NOTCH1: variants seen among roughly 807,000 people sequenced by gnomAD.
NOTCH1 encodes the protein notch receptor 1.
Under a neutral mutation model 254.8 loss-of-function variants are expected in NOTCH1, and 37 were observed. The ratio of observed to expected loss-of-function variants is 0.15; its 90% confidence interval spans 0.11 to 0.19. NOTCH1 has a LOEUF of 0.19. NOTCH1 is among the 10% of genes least tolerant of loss of function. NOTCH1 has a pLI of 1.00. For synonymous variants in NOTCH1, 1,731 were observed against 1,618.1 expected (o/e 1.07, Z -1.68); for missense variants, 2,972 against 3,708.6 (o/e 0.80, Z 5.16).
intron 31 of NOTCH1, among the ~76,000 whole-genome samples, 165 bp from the exon 32 acceptor site, chr9:136,499,424 T>C (rs1472713944): frequency 6.6e-6 from 1 of 152,182 alleles, no homozygotes; most frequent in African/African-American, 2.4e-5. Flanking sequence ...GGGCTGCCCC[T>C]GAGGAGGGGC....
Position 136,517,936 on chromosome 9 carries a change from A to G in NOTCH1, c.1257T>C (p.Gly419=). 1 of 1,609,472 alleles carries G rather than the reference A, an allele frequency of 6.2e-7. No individual in the cohort carries two copies. The change falls in exon 8 of 34, where the codon GGT becomes GGC. Residue 419 remains glycine (G), a splice_region_variant and synonymous_variant. Transcript: ENST00000651671. ...CSQDVDECSL[G]ANPCEHAGKC... ...TGCCCGCATGCTCGCAGGGGTTGGC[A>G]CCTGGCGAGGGCACACGGGTGAGAG...
chr9:136,517,703 G>A (rs753444085), intron 8 of NOTCH1, 49 bp downstream of exon 8: 3 of 1,608,566 alleles, frequency 1.9e-6, no homozygotes, highest in Non-Finnish European at 2.5e-6. Flanking sequence ...GCCCCTCCAA[G>A]GCTGCCCAGC....
intron 12 of NOTCH1, 112 bp downstream of exon 12, chr9:136,515,178 C>G (rs1843243919): frequency 1.0e-6 from 1 of 967,878 alleles, no homozygotes; most frequent in Middle Eastern, 2.2e-4. Flanking sequence ...ACGGTCTGCC[C>G]AGGTGGGCAG....
In NOTCH1 at chr9:136,513,015, C is replaced by T. The variant is rs1276821346; in HGVS notation, c.2467+6G>A. On this transcript the variant is annotated splice_donor_region_variant and intron_variant, in intron 15 of 33. Transcript: ENST00000651671. The surrounding 1 kb of genome is among the most constrained non-coding windows in gnomAD (Gnocchi z 4.7). ...CCCTCCAGCACAGGCCCCACCCACC[C>T]CTCACCTGTGTAGGGCAGCAGGCAG... The T allele has an allele frequency of 6.4e-7, 1 of 1,568,512 alleles. No individual in the cohort carries two copies.
chr9:136,523,955 C>T lies in NOTCH1; in HGVS notation c.165G>A (p.Pro55=), dbSNP rs373793124. The change falls in exon 3 of 34, where the codon CCG becomes CCA. Residue 55 remains proline (P), a synonymous_variant. Coordinates refer to ENST00000651671, the MANE Select transcript of NOTCH1 (RefSeq NM_017617.5). ...GGCACGGGTTGGGGTCCTGGCATCG[C>T]GGGCCCACGAAGGCCCCGCCACAGC... ...ACVCGGAFVG[P]RCQDPNPCLS... 1.6e-4 allele frequency: 252 copies of T among 1,563,320 alleles called. No individual in the cohort carries two copies. In the East Asian group the frequency reaches 5.3e-3, roughly 33 times the overall value.
chr9:136,512,412 CTTCT>C (rs1843195750), intron 15 of NOTCH1, among the ~76,000 whole-genome samples: 3 of 152,190 alleles, frequency 2.0e-5, no homozygotes, highest in Admixed American at 1.3e-4. Flanking sequence ...CTTGTGGACT[CTTCT>C]TTGTCTTTTC....
rs1889046 is a variant in NOTCH1, at chr9:136,542,210, T to C, written c.140+1814A>G. On this transcript the variant is annotated intron_variant, in intron 2 of 33. Coordinates refer to ENST00000651671, the MANE Select transcript of NOTCH1 (RefSeq NM_017617.5). ...TGTGGGCCAGGCTGTGCCTACTCCC[T>C]GGTGCCACTGAGAAGAAGCAACAGG... is the stretch of plus-strand genomic sequence containing the variant. 4.9e-3 allele frequency among the ~76,000 whole-genome samples: 749 copies of C among 152,266 alleles called. 5 individuals carry two copies. Among genetic ancestry groups the C allele is most frequent in the African/African-American group, 0.017 (725 of 41,532 alleles).
rs1164310314 is a variant in NOTCH1 at position 136,505,092 on chromosome 9, G to C, written c.4599C>G (p.Asp1533Glu). The C allele has an allele frequency of 6.2e-7, 1 of 1,609,694 alleles. No individual in the cohort carries two copies. Among genetic ancestry groups the C allele is most frequent in the Non-Finnish European group, 8.5e-7 (1 of 1,179,666 alleles). Residue 1533 changes from aspartate (D) to glutamate (E), a missense_variant, in exon 26 of 34, where the codon GAC becomes GAG. Asp to Glu is a conservative substitution (Grantham distance 45). Around this residue, in one of 8 missense-constraint regions of NOTCH1, gnomAD observed 1,343 missense variants for 1,557.0 expected, o/e 0.86. Transcript: ENST00000651671. Reference protein sequence around the residue: ...RAEGQCNPLYDQYCKDHFSDG... With the variant: ...RAEGQCNPLYEQYCKDHFSDG... ...CGCTGAAGTGGTCCTTGCAGTACTG[G>C]TCGTACAGGGGGCTGTGGGGGGCGG...
chr9:136,542,331 A>C (rs147485651), intron 2 of NOTCH1, among the ~76,000 whole-genome samples: 2,221 of 152,218 alleles, frequency 0.015, 19 homozygotes, highest in Middle Eastern at 0.027. Context: ...GTGAGAGGCA[A>C]AGTCCGAGCC....
At chr9:136,535,254 G>A (rs938291142) in intron 2 of NOTCH1, among the ~76,000 whole-genome samples, 7 of 151,908 alleles carry the variant, frequency 4.6e-5, no homozygotes, top group African/African-American at 1.5e-4. Context: ...GGCCCCCAGG[G>A]TTCACAAGGC....
intron 2 of NOTCH1, among the ~76,000 whole-genome samples, chr9:136,525,335 C>A (rs899503817): frequency 2.0e-5 from 3 of 152,236 alleles, no homozygotes; most frequent in Non-Finnish European, 2.9e-5. Context: ...CCTGCCCCCC[C>A]CAGCCACCTG....
intron 22 of NOTCH1, 92 bp from the exon 23 acceptor site, chr9:136,507,065 T>C (rs1416950825): frequency 2.6e-6 from 4 of 1,541,840 alleles, no homozygotes; most frequent in Non-Finnish European, 3.5e-6. Context: ...CGCTCAGGTC[T>C]GGGGCTGCAC....
At chr9:136,508,535 C>T (rs1843126634) in intron 19 of NOTCH1, 150 bp from the exon 20 acceptor site, 1 of 1,159,868 alleles carries the variant, frequency 8.6e-7, no homozygotes, top group Non-Finnish European at 1.3e-6. Context: ...CCCCACCACC[C>T]CCACACCAGG....
rs748407409 is a variant in NOTCH1 at position 136,494,953 on chromosome 9, G to A, written c.*1118C>T. On this transcript the variant is annotated 3_prime_UTR_variant, in exon 34 of 34. Transcript: ENST00000651671. ...ACCGCATGCCCCCTGCCAGGGCTGCGGGGACAGGACCAAAGGACGCAGCCC... is the reference window on the plus strand; with the variant it reads ...ACCGCATGCCCCCTGCCAGGGCTGCAGGGACAGGACCAAAGGACGCAGCCC... 6 of 398,812 alleles carry A rather than the reference G, an allele frequency of 1.5e-5. No individual in the cohort carries two copies. The highest frequency in any genetic ancestry group is 1.3e-4 in the South Asian group (1 of 7,862). The allele number at this position is 398,812 out of a possible 1,614,324, so 24.7% of individuals were successfully genotyped here. A position where few individuals can be genotyped will look rare whatever the true frequency, so the allele number is the denominator to read the frequency against.
rs974062371 is a variant in NOTCH1 at position 136,518,046 on chromosome 9, G to A, written c.1255+91C>T. 5 of 1,554,288 alleles carry A rather than the reference G, an allele frequency of 3.2e-6. No individual in the cohort carries two copies. The African/African-American group carries it at 5.4e-5, about 17-fold the overall frequency. The stretch of plus-strand genomic sequence containing the variant: ...GCAGGGTCCCATCCCCCATCTAACT[G>A]GGCACCCCCTGAAGCCAGAATCGAC... On this transcript the variant is annotated intron_variant, in intron 7 of 33. Transcript: ENST00000651671.
At position 136,522,863 on chromosome 9, in the gene NOTCH1, A is replaced by G; in HGVS notation, c.729T>C (p.Cys243=). Reference sequence around the variant, plus strand: ...GGGCAGCACTACCTGGCAGGCAGGCACACTCGTGGGTGACGTCGCCCGTGG... The same window carrying G: ...GGGCAGCACTACCTGGCAGGCAGGCGCACTCGTGGGTGACGTCGCCCGTGG... ...CRPTGDVTHE[C]ACLPGFTGQN... is the part of the protein sequence containing the mutation. The change falls in exon 4 of 34, where the codon TGT becomes TGC. Residue 243 remains cysteine (C), a synonymous_variant. Transcript: ENST00000651671. 6.6e-7 allele frequency: 1 copy of G among 1,503,860 alleles called. No individual in the cohort carries two copies. Among genetic ancestry groups the G allele is most frequent in the Non-Finnish European group, 8.9e-7 (1 of 1,125,462 alleles). The allele number at this position is 1,503,860 out of a possible 1,614,324, so 93.2% of individuals were successfully genotyped here. A position where few individuals can be genotyped will look rare whatever the true frequency, so the allele number is the denominator to read the frequency against.
At chr9:136,510,626 G>A (rs1462935044) in intron 17 of NOTCH1, 27 bp downstream of exon 17, 2 of 1,595,814 alleles carry the variant, frequency 1.3e-6, no homozygotes, top group Non-Finnish European at 8.5e-7. Flanking sequence ...GCTTCCTGGA[G>A]GAGGCCAGAG....
rs2133379357 is a variant in NOTCH1, at chr9:136,523,845, C to G, written c.275G>C (p.Gly92Ala). The G allele has an allele frequency of 6.2e-7, 1 of 1,611,934 alleles. No individual in the cohort carries two copies. Among genetic ancestry groups the G allele is most frequent in the East Asian group, 2.2e-5 (1 of 44,862 alleles). ...TGTCAGGCAGAGGGGCCCAGAGAAG[C>G]CCAGGGCACAGCTGCAGGCATAGTC... ...VADYACSCAL[G>A]FSGPLCLTPL... Residue 92 changes from glycine (G) to alanine (A), a missense_variant, in exon 3 of 34, where the codon GGC becomes GCC. Around this residue, in one of 8 missense-constraint regions of NOTCH1, gnomAD observed 374 missense variants for 496.3 expected, o/e 0.75. Coordinates refer to ENST00000651671, the MANE Select transcript of NOTCH1 (RefSeq NM_017617.5).
At chr9:136,517,536 G>C in intron 8 of NOTCH1, 151 bp from the exon 9 acceptor site, 1 of 820,942 alleles carries the variant, frequency 1.2e-6, no homozygotes, top group Non-Finnish European at 2.0e-6. Flanking sequence ...TGCAGCCCGT[G>C]GCCCCTGGCC....
Sources: allele counts gnomAD v4.1 joint callset (sites outside exome capture counted in the v4.1 genomes callset), GRCh38; gene constraint gnomAD v4.1.1; regional missense constraint gnomAD v4.1.1; non-coding constraint Gnocchi (gnomAD v3.1); transcripts MANE v1.5; gene names NCBI Gene and HGNC (gene_info 2026-07-23, HGNC 2026-07-21).